Variants in FRMPD4 observed in about 807,000 individuals in gnomAD.
The protein encoded by FRMPD4 is FERM and PDZ domain containing 4, also known as FERM and PDZ domain-containing protein 4.
FRMPD4 carries 22 observed loss-of-function variants against 94.1 expected under a neutral mutation model. The observed-to-expected ratio is 0.23, with a 90% CI of 0.17 to 0.33. FRMPD4 has a LOEUF of 0.33. Among genes scored for constraint, FRMPD4 ranks in the 10% least tolerant of loss-of-function variants. FRMPD4 has a pLI of 1.00. For missense variants in FRMPD4, 1,111 were observed against 1,339.9 expected, an observed-to-expected ratio of 0.83 and a Z score of 2.67; for synonymous variants, 631 against 548.6, an observed-to-expected ratio of 1.15 and a Z score of -2.10.
chrX:12,484,000 A>C (rs1569295620), intron 1 of FRMPD4, among the ~76,000 whole-genome samples: 1 of 111,715 alleles, frequency 9.0e-6, no homozygotes, highest in Non-Finnish European at 1.9e-5. Flanking sequence ...CAACTGCAAA[A>C]GAATGGAATT....
intron 3 of FRMPD4, among the ~76,000 whole-genome samples, chrX:12,114,304 AT>A (rs1406190355): frequency 9.1e-6 from 1 of 110,450 alleles, no homozygotes; most frequent in African/African-American, 3.3e-5. Context: ...TTCTATGAAT[AT>A]TTTTTTCTAT....
intron 3 of FRMPD4, among the ~76,000 whole-genome samples, chrX:12,041,978 T>A (rs6640873): frequency 0.064 from 7,192 of 111,940 alleles, 253 homozygotes; most frequent in East Asian, 0.23. Context: ...AATTTCAGTT[T>A]GGATGACTGG....
chrX:12,696,665 A>G (rs751956405), intron 9 of FRMPD4, among the ~76,000 whole-genome samples: 3 of 110,889 alleles, frequency 2.7e-5, no homozygotes, highest in East Asian at 5.6e-4. Flanking sequence ...CATATATAAA[A>G]GATATAAAGC....
At chrX:12,540,508 G>A (rs2058396099) in intron 2 of FRMPD4, among the ~76,000 whole-genome samples, 1 of 111,655 alleles carries the variant, frequency 9.0e-6, no homozygotes. Context: ...ATTACATAAT[G>A]GTAAAGGGAT....
rs374417114 is a variant in FRMPD4 at position 12,396,009 on chromosome X, T to C, written c.42-102671T>C. On this transcript the variant is annotated intron_variant, in intron 1 of 16. Transcript: ENST00000675598. ...ATTTTTAAGCATGTGCAGCAAAAAT[T>C]CAGCACCTTTTTTAGGCCAGCTTGG... 1.9e-4 allele frequency: 29 copies of C among 156,152 alleles called. 2 individuals are homozygous for C. The East Asian group carries it at 2.4e-3, about 13-fold the overall frequency. 12.9% of individuals were successfully genotyped at this position (156,152 alleles called of 1,213,427 possible).
chrX:12,362,841 G>A (rs767021996), intron 1 of FRMPD4, among the ~76,000 whole-genome samples: 10 of 111,685 alleles, frequency 9.0e-5, no homozygotes, highest in East Asian at 8.5e-4. Flanking sequence ...AAGTGTTCCT[G>A]TTTCTCCACA....
intron 9 of FRMPD4, 58 bp downstream of exon 9, chrX:12,694,512 G>T: frequency 1.1e-6 from 1 of 912,266 alleles, no homozygotes; most frequent in Non-Finnish European, 1.5e-6. Flanking sequence ...TAACTCTGGG[G>T]CTTTGCCCTG....
chrX:12,164,899 T>C (rs1242693915), intron 1 of FRMPD4, among the ~76,000 whole-genome samples: 2 of 112,410 alleles, frequency 1.8e-5, no homozygotes, highest in Admixed American at 9.4e-5. Context: ...TGGGGTTGTT[T>C]GTTTTTTTCT....
intron 3 of FRMPD4, among the ~76,000 whole-genome samples, chrX:12,031,807 C>T (rs1296637793): frequency 1.8e-5 from 2 of 111,867 alleles, no homozygotes; most frequent in African/African-American, 6.5e-5. Context: ...GAAACAGGGC[C>T]AGAATGGAGT....
At chrX:11,993,258 C>T in intron 3 of FRMPD4, among the ~76,000 whole-genome samples, 1 of 110,919 alleles carries the variant, frequency 9.0e-6, no homozygotes, top group Non-Finnish European at 1.9e-5. Flanking sequence ...CCTCCCTCCC[C>T]CACAGGTTGT....
intron 1 of FRMPD4, among the ~76,000 whole-genome samples, chrX:12,475,633 T>A (rs144219277): frequency 1.8e-5 from 2 of 111,663 alleles, no homozygotes; most frequent in African/African-American, 3.3e-5. Flanking sequence ...TACAAAATCA[T>A]TGTGCAAAAA....
At chrX:12,498,592 A>T (rs2057878257) in intron 1 of FRMPD4, 88 bp from the exon 2 acceptor site, 1 of 584,010 alleles carries the variant, frequency 1.7e-6, no homozygotes, top group Non-Finnish European at 3.1e-6. Flanking sequence ...ATCTAAGAGG[A>T]GCAAGTCACA....
Position 12,569,861 on chromosome X carries a change from T to A in FRMPD4, c.159-39860T>A, listed in dbSNP as rs184552914. ...ACAGCAGTACTTGGTATAGCATTAGTGTGACAGGACTGCCAGGTTCCTAAA... is the reference window on the plus strand; with the variant it reads ...ACAGCAGTACTTGGTATAGCATTAGAGTGACAGGACTGCCAGGTTCCTAAA... On this transcript the variant is annotated intron_variant, in intron 2 of 16. Coordinates refer to ENST00000675598, the MANE Select transcript of FRMPD4 (RefSeq NM_001368397.1). 2.4e-3 allele frequency among the ~76,000 whole-genome samples: 266 copies of A among 111,948 alleles called. No individual in the cohort carries two copies. The Middle Eastern group carries it at 0.042, about 18-fold the overall frequency.
chrX:12,529,723 T>C (rs2058264497), intron 2 of FRMPD4, among the ~76,000 whole-genome samples: 1 of 111,558 alleles, frequency 9.0e-6, no homozygotes, highest in African/African-American at 3.3e-5. Context: ...AAAAGAGAGA[T>C]GCCTTTTTTC....
chrX:12,674,878 G>A lies in FRMPD4; in HGVS notation c.438G>A (p.Ser146=), dbSNP rs1400867721. Residue 146 remains serine, a synonymous_variant, in exon 5 of 17, where the codon TCG becomes TCA. Coordinates refer to ENST00000675598, the MANE Select transcript of FRMPD4 (RefSeq NM_001368397.1). ...TCTCTTACAGAAGCTGCAAAGAATC[G>A]ATACTCCTCACTGTCATTCAGCCTT... ...VIDLVRSCKE[S]ILLTVIQPYP... 7 of 1,168,355 alleles carry A rather than the reference G, an allele frequency of 6.0e-6. No individual in the cohort carries two copies. In the South Asian group the frequency reaches 7.2e-5, roughly 12 times the overall value.
At chrX:12,505,727 GAAAAAAAAAAAAA>G (rs34064982) in intron 2 of FRMPD4, among the ~76,000 whole-genome samples, 1 of 46,320 alleles carries the variant, frequency 2.2e-5, no homozygotes, top group Non-Finnish European at 3.5e-5. Context: ...AACTCCATCC[GAAAAAAAAAAAAA>G]AAAAAAAAAG....
At chrX:12,140,598 A>C (rs1361300571) in intron 1 of FRMPD4, among the ~76,000 whole-genome samples, 2 of 112,298 alleles carry the variant, frequency 1.8e-5, no homozygotes, top group Non-Finnish European at 3.8e-5. Flanking sequence ...TTCAACCAAT[A>C]GTATAGTTCA....
chrX:12,479,662 A>C (rs1414926056), intron 1 of FRMPD4, among the ~76,000 whole-genome samples: 1 of 107,164 alleles, frequency 9.3e-6, no homozygotes, highest in Non-Finnish European at 1.9e-5. Flanking sequence ...ATGCCTGGCT[A>C]ATTTTTTTTT....
intron 1 of FRMPD4, among the ~76,000 whole-genome samples, chrX:11,836,525 A>G: frequency 9.0e-6 from 1 of 111,702 alleles, no homozygotes; most frequent in East Asian, 2.8e-4. Flanking sequence ...GAGGAAGTTG[A>G]CTCACCAAAA....
Sources: gnomAD v4.1 joint callset for allele counts (sites outside exome capture counted in the v4.1 genomes callset) on GRCh38, gnomAD v4.1.1 for gene constraint, MANE v1.5 for transcripts, NCBI Gene and HGNC (gene_info 2026-07-23, HGNC 2026-07-21) for gene names.